The following DNAJC11 variants were observed in gnomAD, a reference collection of about 807,000 sequenced individuals.
DNAJC11 encodes DnaJ heat shock protein family (Hsp40) member C11, also known as dnaJ homolog subfamily C member 11.
In DNAJC11, 15 loss-of-function variants were observed where a neutral mutation model predicts 78.6. The ratio of observed to expected loss-of-function variants is 0.19; its 90% CI spans 0.13 to 0.29. DNAJC11 has a LOEUF of 0.29. Among genes scored for constraint, DNAJC11 ranks in the 10% least tolerant of loss-of-function variants. The pLI is 1.00. For missense variants in DNAJC11, 547 were observed against 709.6 expected (o/e 0.77, Z 2.60); for synonymous variants, 292 against 272.1 (o/e 1.07, Z -0.72).
At chr1:6,644,171 C>T (rs1319789365) in intron 10 of DNAJC11, among the ~76,000 whole-genome samples, 1 of 152,076 alleles carries the variant, frequency 6.6e-6, no homozygotes, top group African/African-American at 2.4e-5. Context: ...CACTGTCCTC[C>T]AGGCTGGAGT....
At chr1:6,670,656 T>A (rs1023298566) in intron 3 of DNAJC11, 1 of 152,156 alleles carries the variant, frequency 6.6e-6, no homozygotes, top group Non-Finnish European at 1.5e-5. Flanking sequence ...AATAAAAAGA[T>A]TGTTAAAATC....
chr1:6,659,095 G>A (rs1419992949), intron 4 of DNAJC11, among the ~76,000 whole-genome samples: 1 of 152,212 alleles, frequency 6.6e-6, no homozygotes, highest in African/African-American at 2.4e-5. Flanking sequence ...GTCCCCAGCA[G>A]CCCAACTTGC....
In DNAJC11 at chr1:6,645,268, G is replaced by A. The variant is rs1198588555; in HGVS notation, c.895-142C>T. 6.4e-6 allele frequency: 4 copies of A among 622,490 alleles called. No individual in the cohort carries two copies. The allele number at this position is 622,490 out of a possible 1,614,324, so 38.6% of individuals were successfully genotyped here. A position where few individuals can be genotyped will look rare whatever the true frequency, so the allele number is the denominator to read the frequency against. ...GGTCACGGTCTGGCAGCCGCAGTGA[G>A]TGCACCATGATTTATTAGCAGCCAG... On this transcript the variant is annotated intron_variant, in intron 8 of 15. Coordinates refer to ENST00000377577, the MANE Select transcript of DNAJC11 (RefSeq NM_018198.4). This position sits in a 1 kb window ranked among gnomAD's most constrained non-coding sequence, Gnocchi z 4.1.
Position 6,645,511 on chromosome 1 carries a change from C to A in DNAJC11, c.894+278G>T, listed in dbSNP as rs2076365. On this transcript the variant is annotated intron_variant, in intron 8 of 15. Transcript: ENST00000377577. The surrounding 1 kb of genome is among the most constrained non-coding windows in gnomAD (Gnocchi z 4.1). ...GCTATGGGGCTTCATCTGCCCGCCCCCAATTCCGTGGGTGGCTCCCACCAG... is the reference window on the plus strand; with the variant it reads ...GCTATGGGGCTTCATCTGCCCGCCCACAATTCCGTGGGTGGCTCCCACCAG... Among the ~76,000 whole-genome samples the A allele has an allele frequency of 2.6e-5, 4 of 152,040 alleles. No homozygotes were observed. Among genetic ancestry groups the A allele is most frequent in the South Asian group, 2.1e-4 (1 of 4,824 alleles).
At chr1:6,670,838 C>G (rs994286587) in intron 3 of DNAJC11, 1 of 152,152 alleles carries the variant, frequency 6.6e-6, no homozygotes, top group Non-Finnish European at 1.5e-5. Flanking sequence ...TACCACCCAT[C>G]CTGACATAGA....
intron 1 of DNAJC11, among the ~76,000 whole-genome samples, chr1:6,683,271 G>GC (rs1487312429): frequency 2.7e-5 from 2 of 72,808 alleles, no homozygotes; most frequent in African/African-American, 1.1e-4. Flanking sequence ...AGTAGAGAAT[G>GC]CAGGTGTGGC....
At chr1:6,677,238 G>T (rs1642479552) in intron 3 of DNAJC11, among the ~76,000 whole-genome samples, 1 of 151,898 alleles carries the variant, frequency 6.6e-6, no homozygotes, top group Admixed American at 6.6e-5. Context: ...CTCAACGAGG[G>T]TCAATTCAAT....
intron 1 of DNAJC11, among the ~76,000 whole-genome samples, chr1:6,696,611 C>A (rs1268051462): frequency 6.6e-6 from 1 of 152,174 alleles, no homozygotes; most frequent in African/African-American, 2.4e-5. Flanking sequence ...ATGATCTACC[C>A]TGTACCAGAG....
At chr1:6,658,176 G>T (rs1470238389) in intron 4 of DNAJC11, among the ~76,000 whole-genome samples, 1 of 152,132 alleles carries the variant, frequency 6.6e-6, no homozygotes, top group African/African-American at 2.4e-5. Context: ...GAGGGCTCCG[G>T]GATGCCACTG....
At chr1:6,668,647 T>C (rs1642329037) in intron 3 of DNAJC11, among the ~76,000 whole-genome samples, 1 of 151,922 alleles carries the variant, frequency 6.6e-6, no homozygotes, top group Admixed American at 6.6e-5. Flanking sequence ...TTGCCCAGGT[T>C]GGCCTCAAAC....
chr1:6,670,057 C>T (rs1642354538), intron 3 of DNAJC11, among the ~76,000 whole-genome samples: 1 of 151,902 alleles, frequency 6.6e-6, no homozygotes, highest in African/African-American at 2.4e-5. Context: ...TGGTTCACAC[C>T]ATTCTCCTGC....
chr1:6,645,619 G>T lies in DNAJC11; in HGVS notation c.894+170C>A, dbSNP rs575172772. 1.1e-4 allele frequency among the ~76,000 whole-genome samples: 17 copies of T among 152,220 alleles called. No homozygotes were observed. The highest frequency in any genetic ancestry group is 1.0e-3 in the South Asian group (5 of 4,832). Reference sequence around the variant, plus strand: ...AGGCAACTGCATTTCATACTCGAAGGTTCCACCAGGTCACTCGAGTGTGAG... The same window carrying T: ...AGGCAACTGCATTTCATACTCGAAGTTTCCACCAGGTCACTCGAGTGTGAG... On this transcript the variant is annotated intron_variant, in intron 8 of 15. Coordinates refer to ENST00000377577, the MANE Select transcript of DNAJC11 (RefSeq NM_018198.4). The surrounding 1 kb of genome is among the most constrained non-coding windows in gnomAD (Gnocchi z 4.1).
At chr1:6,693,420 G>A (rs534628479) in intron 1 of DNAJC11, among the ~76,000 whole-genome samples, 9 of 152,038 alleles carry the variant, frequency 5.9e-5, no homozygotes, top group Admixed American at 2.0e-4. Flanking sequence ...TTGCTCTGTC[G>A]CTCAGGCTGG....
Position 6,635,531 on chromosome 1 carries a change from C to A in DNAJC11, c.*144G>T. On this transcript the variant is annotated 3_prime_UTR_variant, in exon 16 of 16. Transcript: ENST00000377577. ...CAAAAGCTGGGGTGTCTGCATGTCC[C>A]TTCACATAATTGATAATGGTACCAC... 1.1e-6 allele frequency: 1 copy of A among 927,938 alleles called. No individual in the cohort carries two copies. Among genetic ancestry groups the A allele is most frequent in the Non-Finnish European group, 1.6e-6 (1 of 617,330 alleles). The allele number at this position is 927,938 out of a possible 1,614,324, so 57.5% of individuals were successfully genotyped here. A position where few individuals can be genotyped will look rare whatever the true frequency, so the allele number is the denominator to read the frequency against.
chr1:6,660,745 T>G (rs1642199463), intron 4 of DNAJC11, among the ~76,000 whole-genome samples: 1 of 152,236 alleles, frequency 6.6e-6, no homozygotes, highest in Admixed American at 6.5e-5. Context: ...CTGTTAAATG[T>G]TATTTTGCAG....
At chr1:6,641,674 G>A (rs1641880697) in intron 10 of DNAJC11, among the ~76,000 whole-genome samples, 1 of 151,978 alleles carries the variant, frequency 6.6e-6, no homozygotes, top group African/African-American at 2.4e-5. Context: ...GCGCGCCACT[G>A]TACTGAGCCT....
intron 1 of DNAJC11, among the ~76,000 whole-genome samples, chr1:6,689,391 C>T (rs1398176886): frequency 2.0e-5 from 3 of 151,954 alleles, no homozygotes; most frequent in African/African-American, 4.8e-5. Flanking sequence ...GGTTTTGGCT[C>T]GAATATGGGT....
At chr1:6,689,482 T>C (rs960008798) in intron 1 of DNAJC11, among the ~76,000 whole-genome samples, 3 of 152,000 alleles carry the variant, frequency 2.0e-5, no homozygotes, top group Non-Finnish European at 4.4e-5. Flanking sequence ...AGAAGGCAGA[T>C]AGAGATGAAG....
At chr1:6,694,313 G>T (rs1284858321) in intron 1 of DNAJC11, among the ~76,000 whole-genome samples, 1 of 152,038 alleles carries the variant, frequency 6.6e-6, no homozygotes, top group Non-Finnish European at 1.5e-5. Flanking sequence ...CTTGACAGTG[G>T]ATTTGCAGAC....
Sources: gnomAD v4.1 joint callset for allele counts (sites outside exome capture counted in the v4.1 genomes callset) on GRCh38, gnomAD v4.1.1 for gene constraint, Gnocchi (gnomAD v3.1) non-coding constraint, MANE v1.5 for transcripts, NCBI Gene and HGNC (gene_info 2026-07-23, HGNC 2026-07-21) for gene names.